Variants in PCNX4 observed in about 807,000 individuals in gnomAD.
PCNX4 encodes pecanex-like protein 4.
Under a neutral mutation model 107.2 loss-of-function variants are expected in PCNX4, and 103 were observed. The ratio of observed to expected loss-of-function variants is 0.96; its 90% CI spans 0.82 to 1.13. The LOEUF is 1.13. Among genes scored for constraint, PCNX4 ranks in the 50% most tolerant of loss-of-function variants. The probability of loss-of-function intolerance (pLI) is 0.00; values close to 1 mark genes in which losing one functional copy is unlikely to be tolerated. For synonymous variants in PCNX4, 541 were observed against 481.7 expected (o/e 1.12, Z -1.61); for missense variants, 1,528 against 1,379.4 (o/e 1.11, Z -1.71).
intron 2 of PCNX4, 138 bp from the exon 3 acceptor site, chr14:60,114,562 C>G: frequency 1.5e-6 from 1 of 659,246 alleles, no homozygotes; most frequent in South Asian, 2.5e-5. Flanking sequence ...TAAGTTGGGA[C>G]TAAGACTTTT....
chr14:60,102,829 A>T (rs1000227231), intron 1 of PCNX4, among the ~76,000 whole-genome samples: 2 of 152,256 alleles, frequency 1.3e-5, no homozygotes, highest in Middle Eastern at 3.4e-3. Flanking sequence ...AGTTATTGTG[A>T]ATTTGTTTTC....
chr14:60,094,340 T>A (rs1895377883), intron 1 of PCNX4, among the ~76,000 whole-genome samples: 1 of 152,158 alleles, frequency 6.6e-6, no homozygotes, highest in Non-Finnish European at 1.5e-5. Flanking sequence ...TCCTTCCAGT[T>A]CTCTAGCATC....
intron 10 of PCNX4, among the ~76,000 whole-genome samples, chr14:60,129,311 G>A (rs1896112784): frequency 6.6e-6 from 1 of 151,704 alleles, no homozygotes; most frequent in Non-Finnish European, 1.5e-5. Context: ...CCAGCACTTT[G>A]GGAGGCCAAG....
intron 6 of PCNX4, among the ~76,000 whole-genome samples, chr14:60,116,520 AG>A (rs1765053148): frequency 6.6e-6 from 1 of 152,214 alleles, no homozygotes; most frequent in Admixed American, 6.5e-5. Context: ...TAGCCCTTGT[AG>A]GGTAGCTCAT....
rs942078245 is a variant in PCNX4 at position 60,092,265 on chromosome 14, G to T, written c.-208G>T. 2 of 152,288 alleles carry T rather than the reference G, an allele frequency of 1.3e-5. No homozygotes were observed. The highest frequency in any genetic ancestry group is 3.9e-4 in the East Asian group (2 of 5,190). 9.4% of individuals were successfully genotyped at this position (152,288 alleles called of 1,614,324 possible). A position where few individuals can be genotyped will look rare whatever the true frequency, so the allele number is the denominator to read the frequency against. Reference sequence around the variant, plus strand: ...GAAACCGAGAGCTGGCCCGGGCGGGGCCGCGGTGAGCTCGTTATTCGGCCG... The same window carrying T: ...GAAACCGAGAGCTGGCCCGGGCGGGTCCGCGGTGAGCTCGTTATTCGGCCG... On this transcript the variant is annotated 5_prime_UTR_variant, in exon 1 of 11. Coordinates refer to ENST00000406854, the MANE Select transcript of PCNX4 (RefSeq NM_001330177.2).
At chr14:60,101,304 G>A (rs1895527511) in intron 1 of PCNX4, among the ~76,000 whole-genome samples, 1 of 152,048 alleles carries the variant, frequency 6.6e-6, no homozygotes, top group African/African-American at 2.4e-5. Context: ...ACCTCCTGAG[G>A]GCTGTGTCAT....
At position 60,143,809 on chromosome 14, in the gene PCNX4, C is replaced by T. The variant is rs911270938; in HGVS notation, c.*9588C>T. The T allele has an allele frequency of 3.9e-5, 6 of 152,244 alleles. No homozygotes were observed. The highest frequency in any genetic ancestry group is 8.8e-5 in the Non-Finnish European group (6 of 68,060). The allele number at this position is 152,244 out of a possible 1,614,324, so 9.4% of individuals were successfully genotyped here. On this transcript the variant is annotated 3_prime_UTR_variant, in exon 11 of 11. Transcript: ENST00000406854. ...TTGGCTCCAGCTCAATTGTGAACTG[C>T]TTGTAGATAAGGACCATGTTTTTCT...
intron 1 of PCNX4, among the ~76,000 whole-genome samples, chr14:60,098,232 C>T (rs1463855276): frequency 1.3e-5 from 2 of 152,104 alleles, no homozygotes; most frequent in East Asian, 1.9e-4. Context: ...AGAGACATTC[C>T]AACCCTACCA....
At chr14:60,096,734 C>T (rs1011409844) in intron 1 of PCNX4, among the ~76,000 whole-genome samples, 1 of 152,218 alleles carries the variant, frequency 6.6e-6, no homozygotes, top group Non-Finnish European at 1.5e-5. Context: ...CCATATCTCT[C>T]GTACTGTTTG....
Position 60,136,944 on chromosome 14 carries a change from G to C in PCNX4, c.*2723G>C, listed in dbSNP as rs1249218281. On this transcript the variant is annotated 3_prime_UTR_variant, in exon 11 of 11. Transcript: ENST00000406854. ...TGATCAAGGTCTGCAAAATAGCGGGGAGCTTACAAAATGGTGCAGTTTGGA... is the reference window on the plus strand; with the variant it reads ...TGATCAAGGTCTGCAAAATAGCGGGCAGCTTACAAAATGGTGCAGTTTGGA... 3 of 152,470 alleles carry C rather than the reference G, an allele frequency of 2.0e-5. No homozygotes were observed. The highest frequency in any genetic ancestry group is 7.2e-5 in the African/African-American group (3 of 41,428). 9.4% of individuals were successfully genotyped at this position (152,470 alleles called of 1,614,324 possible).
intron 2 of PCNX4, among the ~76,000 whole-genome samples, chr14:60,112,998 A>G (rs1304523272): frequency 2.0e-5 from 3 of 152,210 alleles, no homozygotes; most frequent in African/African-American, 4.8e-5. Context: ...CCTGGCCAAC[A>G]TGGTGAAACC....
chr14:60,124,821 C>G lies in PCNX4; in HGVS notation c.2650C>G (p.Pro884Ala). The stretch of plus-strand genomic sequence containing the variant: ...TTACAAAGCAGTTCTATTAGGATAC[C>G]CTGCTGTTGACAAAGGAAAACAAGA... ...DLYKAVLLGY[P>A]AVDKGKQEDM... The change falls in exon 9 of 11, where the codon CCT (proline) becomes GCT (alanine). Residue 884 changes from proline (P) to alanine (A), a missense_variant. Pro to Ala is a conservative substitution (Grantham distance 27). Coordinates refer to ENST00000406854, the MANE Select transcript of PCNX4 (RefSeq NM_001330177.2). 1.2e-6 allele frequency: 2 copies of G among 1,613,650 alleles called. No homozygotes were observed. Among genetic ancestry groups the G allele is most frequent in the Non-Finnish European group, 1.7e-6 (2 of 1,179,758 alleles).
At chr14:60,133,875 C>G (rs1317815833) in intron 10 of PCNX4, 95 bp from the exon 11 acceptor site, 1 of 1,274,524 alleles carries the variant, frequency 7.8e-7, no homozygotes. Context: ...TGCCTAATTA[C>G]AATGCAATTT....
At position 60,134,381 on chromosome 14, in the gene PCNX4, G is replaced by C. The variant is rs963281704; in HGVS notation, c.*160G>C. On this transcript the variant is annotated 3_prime_UTR_variant, in exon 11 of 11. Coordinates refer to ENST00000406854, the MANE Select transcript of PCNX4 (RefSeq NM_001330177.2). ...AGTTGGTTCTCTTAGCCATCTTAAT[G>C]GTTCTAAAAAACAGCAAAAACATCT... is the stretch of plus-strand genomic sequence containing the variant. The C allele has an allele frequency of 3.4e-6, 3 of 879,198 alleles. No homozygotes were observed. The African/African-American group carries it at 5.0e-5, about 15-fold the overall frequency. 54.5% of individuals were successfully genotyped at this position (879,198 alleles called of 1,614,324 possible). A position where few individuals can be genotyped will look rare whatever the true frequency, so the allele number is the denominator to read the frequency against.
intron 10 of PCNX4, 181 bp downstream of exon 10, chr14:60,126,004 T>G: frequency 2.3e-6 from 1 of 430,146 alleles, no homozygotes; most frequent in Non-Finnish European, 3.9e-6. Context: ...GAATAGCTGA[T>G]TTCTCTACTT....
At chr14:60,116,437 TGACA>T (rs1895850116) in intron 6 of PCNX4, among the ~76,000 whole-genome samples, 1 of 152,230 alleles carries the variant, frequency 6.6e-6, no homozygotes, top group Admixed American at 6.5e-5. Context: ...TTTCAGTCAA[TGACA>T]GACCACATAT....
intron 6 of PCNX4, 84 bp downstream of exon 6, chr14:60,116,144 G>C (rs1342108293): frequency 8.1e-7 from 1 of 1,241,892 alleles, no homozygotes; most frequent in Non-Finnish European, 1.1e-6. Context: ...ATTCAGTTTT[G>C]TAGTCATCAC....
chr14:60,114,609 G>GTTTTTTTT lies in PCNX4; in HGVS notation c.690-90_690-89insTTTTTTTT, dbSNP rs1209135403. On this transcript the variant is annotated intron_variant, in intron 2 of 10. Coordinates refer to ENST00000406854, the MANE Select transcript of PCNX4 (RefSeq NM_001330177.2). The stretch of plus-strand genomic sequence containing the variant: ...GTGTGTGGTTTTTTTTTGGAAGGGA[G>GTTTTTTTT]TGTGTTGTTATTCTGTGTTGCTTTG... 23 of 1,051,686 alleles carry GTTTTTTTT rather than the reference G, an allele frequency of 2.2e-5. No homozygotes were observed. In the African/African-American group the frequency reaches 3.3e-4, roughly 15 times the overall value. 65.1% of individuals were successfully genotyped at this position (1,051,686 alleles called of 1,614,324 possible). A position where few individuals can be genotyped will look rare whatever the true frequency, so the allele number is the denominator to read the frequency against.
At chr14:60,120,474 G>A (rs1320282719) in intron 7 of PCNX4, among the ~76,000 whole-genome samples, 1 of 151,094 alleles carries the variant, frequency 6.6e-6, no homozygotes, top group Non-Finnish European at 1.5e-5. Context: ...AACCATATAA[G>A]CAGACCTTTT....
Sources: allele counts gnomAD v4.1 joint callset (sites outside exome capture counted in the v4.1 genomes callset), GRCh38; gene constraint gnomAD v4.1.1; transcripts MANE v1.5; gene names NCBI Gene and HGNC (gene_info 2026-07-23, HGNC 2026-07-21).